The following CEMIP variants were observed in gnomAD, a reference collection of about 807,000 sequenced individuals.
CEMIP encodes the protein cell migration-inducing and hyaluronan-binding protein.
Under a neutral mutation model 156.9 loss-of-function variants are expected in CEMIP, and 105 were observed. That is an observed-to-expected ratio of 0.67 (90% CI 0.57 to 0.79). The LOEUF (loss-of-function observed/expected upper bound fraction) is 0.79. Ranked by LOEUF, CEMIP falls within the 30% of genes least tolerant of loss-of-function variation. CEMIP has a pLI of 0.00. For missense variants in CEMIP, 1,457 were observed against 1,769.4 expected (o/e 0.82, Z 3.17); for synonymous variants, 676 against 668.4 (o/e 1.01, Z -0.17).
rs547696754 is a variant in CEMIP, at chr15:80,932,467, G to C, written c.2793+428G>C. Among the ~76,000 whole-genome samples the C allele has an allele frequency of 6.6e-6, 1 of 152,276 alleles. No individual in the cohort carries two copies. Among genetic ancestry groups the C allele is most frequent in the African/African-American group, 2.4e-5 (1 of 41,558 alleles). On this transcript the variant is annotated intron_variant, in intron 22 of 29. Transcript: ENST00000394685. This position sits in a 1 kb window ranked among gnomAD's most constrained non-coding sequence, Gnocchi z 4.5. ...TCTGTTTAATCTCTCCCCGAGAGCA[G>C]ACTATAAACAGAGGCCTCCTTGCCC...
chr15:80,867,206 C>T (rs1363344069), intron 1 of CEMIP, among the ~76,000 whole-genome samples: 1 of 152,162 alleles, frequency 6.6e-6, no homozygotes, highest in African/African-American at 2.4e-5. Flanking sequence ...CTGCCCCAGA[C>T]CTGCCCTATC....
Position 80,891,769 on chromosome 15 carries a change from C to CGAGAA in CEMIP, c.1086+2178_1086+2179insAGAAG, listed in dbSNP as rs1407693602. On this transcript the variant is annotated intron_variant, in intron 10 of 29. Transcript: ENST00000394685. ...AGAGATCAGGCTTACTCCTAATTCTCGCCACCAATCTTTAATCAATGGTCA... is the reference window on the plus strand; with the variant it reads ...AGAGATCAGGCTTACTCCTAATTCTCGAGAAGCCACCAATCTTTAATCAATGGTCA... Among the ~76,000 whole-genome samples the CGAGAA allele has an allele frequency of 3.3e-5, 5 of 152,334 alleles. No homozygotes were observed. In the East Asian group the frequency reaches 9.7e-4, roughly 29 times the overall value.
At chr15:80,936,020 G>A (rs899900020) in intron 23 of CEMIP, among the ~76,000 whole-genome samples, 1 of 152,244 alleles carries the variant, frequency 6.6e-6, no homozygotes, top group Non-Finnish European at 1.5e-5. Flanking sequence ...TTACAGGCAT[G>A]AGCCACCGCG....
intron 11 of CEMIP, among the ~76,000 whole-genome samples, chr15:80,895,384 G>T (rs1668060097): frequency 6.6e-6 from 1 of 152,210 alleles, no homozygotes; most frequent in African/African-American, 2.4e-5. Context: ...CCCCTGCAGA[G>T]ATGTGCAGTT....
At chr15:80,803,215 C>A (rs972987214) in intron 1 of CEMIP, among the ~76,000 whole-genome samples, 3 of 152,166 alleles carry the variant, frequency 2.0e-5, no homozygotes. Context: ...TTGTACAGAA[C>A]CTCCCTTGGG....
rs1361974036 is a variant in CEMIP, at chr15:80,937,950, G to T, written c.3378G>T (p.Arg1126Ser). 4 of 1,614,162 alleles carry T rather than the reference G, an allele frequency of 2.5e-6. No individual in the cohort carries two copies. The highest frequency in any genetic ancestry group is 1.1e-5 in the South Asian group (1 of 91,076). ...MDKVEQSYPG[R>S]SHYYWDEDSG... ...AAGTGGAGCAGAGCTACCCTGGCAG[G>T]AGCCACTACTACTGGGACGAGGACT... Residue 1126 changes from arginine (R) to serine (S), a missense_variant, in exon 25 of 30, where the codon AGG (arginine) becomes AGT (serine). This residue lies in a region of CEMIP where 798 missense variants were observed against 980.1 expected (regional missense o/e 0.81). Transcript: ENST00000394685.
chr15:80,897,231 G>A (rs930603832), intron 12 of CEMIP: 7 of 455,524 alleles, frequency 1.5e-5, no homozygotes, highest in Admixed American at 2.4e-5. Context: ...CATGGATTGA[G>A]AAAGCGTATC....
intron 6 of CEMIP, 134 bp downstream of exon 6, chr15:80,881,270 A>G (rs1197565525): frequency 4.2e-5 from 35 of 827,692 alleles, no homozygotes. Flanking sequence ...CCTGCCTTCA[A>G]GGAGTTCTGT....
At chr15:80,928,796 C>T (rs753771491) in intron 19 of CEMIP, 106 bp from the exon 20 acceptor site, 125 of 1,375,598 alleles carry the variant, frequency 9.1e-5, no homozygotes, top group Non-Finnish European at 1.2e-4. Context: ...TTCCTCTGCA[C>T]GGTATTCAGT....
At chr15:80,788,438 T>C in intron 1 of CEMIP, among the ~76,000 whole-genome samples, 1 of 135,708 alleles carries the variant, frequency 7.4e-6, no homozygotes. Flanking sequence ...GCCACTGCAC[T>C]CCAGCCTGGG....
intron 12 of CEMIP, among the ~76,000 whole-genome samples, chr15:80,901,710 A>AT (rs1899564935): frequency 6.6e-6 from 1 of 151,794 alleles, no homozygotes; most frequent in South Asian, 2.1e-4. Context: ...CTCAAAAAAA[A>AT]AAAAAAAATT....
Position 80,824,769 on chromosome 15 carries a change from C to G in CEMIP, c.-176+45155C>G, listed in dbSNP as rs182569940. On this transcript the variant is annotated intron_variant, in intron 1 of 29. Coordinates refer to ENST00000394685, the MANE Select transcript of CEMIP (RefSeq NM_001293298.2). ...ACTAAATAGGAAAGGCTCATTGTCTCTTGTCTTTGATTCTTCCCACCTCTT... is the reference window on the plus strand; with the variant it reads ...ACTAAATAGGAAAGGCTCATTGTCTGTTGTCTTTGATTCTTCCCACCTCTT... 2.0e-5 allele frequency among the ~76,000 whole-genome samples: 3 copies of G among 152,306 alleles called. No individual in the cohort carries two copies. In the East Asian group the frequency reaches 5.8e-4, roughly 29 times the overall value.
At chr15:80,920,375 C>T (rs1048872315) in intron 15 of CEMIP, 76 bp downstream of exon 15, 53 of 1,364,146 alleles carry the variant, frequency 3.9e-5, no homozygotes, top group Non-Finnish European at 5.0e-5. Context: ...CTCAGCTCAG[C>T]CCAGCACCAG....
At chr15:80,888,583 T>A in intron 8 of CEMIP, 118 bp from the exon 9 acceptor site, 1 of 747,334 alleles carries the variant, frequency 1.3e-6, no homozygotes, top group Non-Finnish European at 2.4e-6. Flanking sequence ...ACTTAAAAAA[T>A]ATTTTTAAAG....
At chr15:80,807,632 G>A (rs1162633173) in intron 1 of CEMIP, among the ~76,000 whole-genome samples, 2 of 152,242 alleles carry the variant, frequency 1.3e-5, no homozygotes, top group Non-Finnish European at 1.5e-5. Context: ...GCATGGTACT[G>A]TAGTCAGTGG....
rs77848433 is a variant in CEMIP at position 80,887,256 on chromosome 15, G to T, written c.798-438G>T. On this transcript the variant is annotated intron_variant, in intron 7 of 29. Transcript: ENST00000394685. ...GGGCAGTCAGTCATGTTAGCCTCTG[G>T]TATTTTCCTCGAGCTCAACTCTAGG... 1.4e-3 allele frequency among the ~76,000 whole-genome samples: 214 copies of T among 152,260 alleles called. 3 individuals are homozygous for T. The East Asian group carries it at 0.028, about 20-fold the overall frequency.
chr15:80,916,516 A>T (rs11072958), intron 14 of CEMIP, among the ~76,000 whole-genome samples: 1 of 152,030 alleles, frequency 6.6e-6, no homozygotes, highest in South Asian at 2.1e-4. Context: ...ATACATAGGG[A>T]CTGAATGGCC....
chr15:80,897,241 C>T, intron 12 of CEMIP: 1 of 455,852 alleles, frequency 2.2e-6, no homozygotes, highest in Non-Finnish European at 4.4e-6. Context: ...GAAAGCGTAT[C>T]CAATATACTC....
chr15:80,790,739 G>A (rs1896060390), intron 1 of CEMIP, among the ~76,000 whole-genome samples: 2 of 152,178 alleles, frequency 1.3e-5, no homozygotes, highest in African/African-American at 4.8e-5. Flanking sequence ...TCATAGAACA[G>A]TATTCATAGA....
Sources: gnomAD v4.1 joint callset for allele counts (sites outside exome capture counted in the v4.1 genomes callset) on GRCh38, gnomAD v4.1.1 for gene constraint, gnomAD v4.1.1 regional missense constraint, Gnocchi (gnomAD v3.1) non-coding constraint, MANE v1.5 for transcripts, NCBI Gene and HGNC (gene_info 2026-07-23, HGNC 2026-07-21) for gene names.